The following RCAN2 variants were observed in gnomAD, a reference collection of about 807,000 sequenced individuals.
RCAN2 encodes calcipressin-2.
A neutral mutation model predicts 23.6 loss-of-function variants in RCAN2; 9 were observed. The observed-to-expected ratio is 0.38, with a 90% confidence interval of 0.23 to 0.67. RCAN2 has a LOEUF of 0.67. Ranked by LOEUF, RCAN2 falls within the 30% of genes least tolerant of loss-of-function variation. RCAN2 has a pLI of 0.51. For missense variants in RCAN2, 273 were observed against 302.3 expected, an observed-to-expected ratio of 0.90 and a Z score of 0.72; for synonymous variants, 109 against 115.7, an observed-to-expected ratio of 0.94 and a Z score of 0.37.
At chr6:46,328,034 G>A (rs1530306) in intron 2 of RCAN2, among the ~76,000 whole-genome samples, 13,337 of 152,260 alleles carry the variant, frequency 0.088, 846 homozygotes, top group South Asian at 0.16. Context: ...TACATAAGGG[G>A]CTGTATGAAT....
intron 1 of RCAN2, among the ~76,000 whole-genome samples, chr6:46,488,798 C>T (rs368473993): frequency 3.0e-4 from 46 of 152,318 alleles, no homozygotes; most frequent in African/African-American, 1.0e-3. Flanking sequence ...CCGATCCTCC[C>T]CCTGAAATGG....
chr6:46,230,739 C>A (rs1387893449), intron 4 of RCAN2, among the ~76,000 whole-genome samples: 1 of 152,152 alleles, frequency 6.6e-6, no homozygotes, highest in Non-Finnish European at 1.5e-5. Flanking sequence ...TGAGGTGATG[C>A]CCCACCCTGC....
chr6:46,288,367 A>G (rs765354951), intron 2 of RCAN2, among the ~76,000 whole-genome samples: 12 of 152,240 alleles, frequency 7.9e-5, no homozygotes, highest in Non-Finnish European at 1.6e-4. Flanking sequence ...AGGCACCAGC[A>G]AGTAAGGTGT....
In RCAN2 at chr6:46,319,678, C is replaced by G. The variant is rs191078031; in HGVS notation, c.226-70782G>C. 5.1e-3 allele frequency among the ~76,000 whole-genome samples: 769 copies of G among 152,166 alleles called. 7 individuals carry two copies. Among genetic ancestry groups the G allele is most frequent in the Non-Finnish European group, 8.3e-3 (564 of 67,986 alleles). Reference sequence around the variant, plus strand: ...AGATGTTTGCTACTTTCTTCAGAGGCAAGAAAATGTTTAGTATTGTACATT... The same window carrying G: ...AGATGTTTGCTACTTTCTTCAGAGGGAAGAAAATGTTTAGTATTGTACATT... On this transcript the variant is annotated intron_variant, in intron 2 of 4. Coordinates refer to ENST00000371374, the MANE Select transcript of RCAN2 (RefSeq NM_001251974.2).
chr6:46,465,250 T>C (rs1243155234), intron 1 of RCAN2, among the ~76,000 whole-genome samples: 1 of 152,178 alleles, frequency 6.6e-6, no homozygotes, highest in Non-Finnish European at 1.5e-5. Context: ...AAAACCTGTG[T>C]CTACAAAGAA....
intron 2 of RCAN2, among the ~76,000 whole-genome samples, chr6:46,295,571 C>A (rs1333186586): frequency 6.6e-6 from 1 of 152,012 alleles, no homozygotes; most frequent in Non-Finnish European, 1.5e-5. Context: ...AAAGTGTCTA[C>A]CAGAGTTGGC....
intron 2 of RCAN2, among the ~76,000 whole-genome samples, chr6:46,392,442 A>G (rs1765964057): frequency 6.6e-6 from 1 of 152,112 alleles, no homozygotes; most frequent in African/African-American, 2.4e-5. Flanking sequence ...ATGCTCATTT[A>G]CTCATTTTAC....
chr6:46,488,862 A>G (rs1332403705), intron 1 of RCAN2, among the ~76,000 whole-genome samples: 2 of 152,182 alleles, frequency 1.3e-5, no homozygotes, highest in Non-Finnish European at 2.9e-5. Context: ...GGCACATTTC[A>G]TAAGTTTTCT....
intron 2 of RCAN2, among the ~76,000 whole-genome samples, chr6:46,353,088 G>A (rs7752737): frequency 0.026 from 3,995 of 152,240 alleles, 163 homozygotes; most frequent in African/African-American, 0.087. Flanking sequence ...CAGTGCAGGC[G>A]CAGCTGCCAA....
chr6:46,284,804 C>A (rs2150341229), intron 2 of RCAN2, among the ~76,000 whole-genome samples: 1 of 151,754 alleles, frequency 6.6e-6, no homozygotes, highest in Middle Eastern at 3.4e-3. Context: ...GTTCCTTTTT[C>A]CTGTAGTTTA....
At chr6:46,408,820 T>C (rs993425346) in intron 2 of RCAN2, among the ~76,000 whole-genome samples, 6 of 152,226 alleles carry the variant, frequency 3.9e-5, no homozygotes, top group Non-Finnish European at 2.9e-5. Context: ...AGGAGATAGT[T>C]TGGCCAAGAA....
chr6:46,228,635 T>A (rs1391308382), intron 4 of RCAN2, among the ~76,000 whole-genome samples: 1 of 152,226 alleles, frequency 6.6e-6, no homozygotes, highest in Non-Finnish European at 1.5e-5. Flanking sequence ...TTGGTAGATC[T>A]TCCTCCATCT....
chr6:46,231,348 A>C (rs1765879933), intron 4 of RCAN2, among the ~76,000 whole-genome samples: 1 of 152,090 alleles, frequency 6.6e-6, no homozygotes, highest in Admixed American at 6.6e-5. Flanking sequence ...CCTTGACTTG[A>C]ACTTCTAACT....
chr6:46,288,329 T>C (rs986718670), intron 2 of RCAN2, among the ~76,000 whole-genome samples: 1 of 152,260 alleles, frequency 6.6e-6, no homozygotes, highest in Non-Finnish European at 1.5e-5. Flanking sequence ...TATTCTCTCA[T>C]GCGGGATCCT....
Position 46,405,586 on chromosome 6 carries a change from T to C in RCAN2, c.225+51166A>G, listed in dbSNP as rs188462636. 5.1e-3 allele frequency among the ~76,000 whole-genome samples: 780 copies of C among 152,190 alleles called. 3 individuals are homozygous for C. Among genetic ancestry groups the C allele is most frequent in the Non-Finnish European group, 9.2e-3 (627 of 68,006 alleles). On this transcript the variant is annotated intron_variant, in intron 2 of 4. Coordinates refer to ENST00000371374, the MANE Select transcript of RCAN2 (RefSeq NM_001251974.2). ...AGAGCAGCTAGATACAGAGTGTCGATTGGTGCACTCACAAACCTTGAGCTA... is the reference window on the plus strand; with the variant it reads ...AGAGCAGCTAGATACAGAGTGTCGACTGGTGCACTCACAAACCTTGAGCTA...
chr6:46,230,278 G>A (rs535875466), intron 4 of RCAN2, among the ~76,000 whole-genome samples: 5 of 152,280 alleles, frequency 3.3e-5, no homozygotes, highest in African/African-American at 1.2e-4. Context: ...CTCCGTGCTT[G>A]GAGAACCACT....
chr6:46,404,772 A>C (rs557814312), intron 2 of RCAN2, among the ~76,000 whole-genome samples: 1 of 152,340 alleles, frequency 6.6e-6, no homozygotes, highest in African/African-American at 2.4e-5. Context: ...TCTTTATTAT[A>C]TGATATCATC....
chr6:46,380,644 G>C (rs757150343), intron 2 of RCAN2, among the ~76,000 whole-genome samples: 5 of 152,168 alleles, frequency 3.3e-5, no homozygotes, highest in Admixed American at 2.0e-4. Flanking sequence ...AACCACTCCT[G>C]GAGGAGTTCA....
At chr6:46,488,475 C>G (rs1481267643) in intron 1 of RCAN2, among the ~76,000 whole-genome samples, 1 of 152,172 alleles carries the variant, frequency 6.6e-6, no homozygotes, top group Non-Finnish European at 1.5e-5. Context: ...TGAGTTCATA[C>G]TACCACTTTT....
Sources: gnomAD v4.1 joint callset for allele counts (sites outside exome capture counted in the v4.1 genomes callset) on GRCh38, gnomAD v4.1.1 for gene constraint, MANE v1.5 for transcripts, NCBI Gene and HGNC (gene_info 2026-07-23, HGNC 2026-07-21) for gene names.